UTP20: variants seen among roughly 807,000 people sequenced by gnomAD.
UTP20 encodes UTP20 small subunit processome component, also known as small subunit processome component 20 homolog.
UTP20 carries 164 observed loss-of-function variants against 329.5 expected under a neutral mutation model. That is an observed-to-expected ratio of 0.50 (90% CI 0.44 to 0.57). UTP20 has a LOEUF of 0.57. Among genes scored for constraint, UTP20 ranks in the 20% least tolerant of loss-of-function variants. The probability of loss-of-function intolerance (pLI) is 0.00; values close to 1 mark genes in which losing one functional copy is unlikely to be tolerated. For missense variants in UTP20, 3,055 were observed against 3,284.2 expected (o/e 0.93, Z 1.71); for synonymous variants, 1,151 against 1,159.3 (o/e 0.99, Z 0.14).
chr12:101,356,982 T>C lies in UTP20; in HGVS notation c.5591T>C (p.Ile1864Thr), dbSNP rs757105753. ...LKNRAQEIRDIARSTLAKIIE... is the reference protein window; with the variant it reads ...LKNRAQEIRDTARSTLAKIIE... ...AACAGAGCCCAAGAAATCAGAGACA[T>C]TGCACGCAGCACTCTTGCGAAAATA... Residue 1864 changes from isoleucine (I) to threonine (T), a missense_variant, in exon 43 of 62, where the codon ATT becomes ACT. Around this residue, in one of 3 missense-constraint regions of UTP20, gnomAD observed 2,445 missense variants for 2,575.5 expected, o/e 0.95. Transcript: ENST00000261637. 1 of 1,614,110 alleles carries C rather than the reference T, an allele frequency of 6.2e-7. No homozygotes were observed. The highest frequency in any genetic ancestry group is 1.1e-5 in the South Asian group (1 of 91,050).
Position 101,295,628 on chromosome 12 carries a change from A to G in UTP20, c.1400A>G (p.Tyr467Cys), listed in dbSNP as rs751036728. The G allele has an allele frequency of 5.0e-6, 8 of 1,610,214 alleles. No individual in the cohort carries two copies. The highest frequency in any genetic ancestry group is 6.8e-6 in the Non-Finnish European group (8 of 1,177,412). The change falls in exon 12 of 62, where the codon TAC becomes TGC. Residue 467 changes from tyrosine to cysteine, a missense_variant. This residue lies in a region of UTP20 where 2,445 missense variants were observed against 2,575.5 expected (regional missense o/e 0.95). Transcript: ENST00000261637. ...PTAGSMAIEK[Y>C]PLVFSPQMVG... Reference sequence around the variant, plus strand: ...GCTGGCTCGATGGCAATTGAAAAGTACCCTCTGGTTTTCTCACCGCAGATG... The same window carrying G: ...GCTGGCTCGATGGCAATTGAAAAGTGCCCTCTGGTTTTCTCACCGCAGATG...
At chr12:101,344,166 C>A (rs1869243975) in intron 35 of UTP20, among the ~76,000 whole-genome samples, 1 of 152,168 alleles carries the variant, frequency 6.6e-6, no homozygotes. Context: ...TTCTAAGTCG[C>A]TGCCTGGCTG....
chr12:101,336,458 A>G (rs1191724292), intron 29 of UTP20, among the ~76,000 whole-genome samples: 1 of 152,220 alleles, frequency 6.6e-6, no homozygotes, highest in African/African-American at 2.4e-5. Context: ...CTTATTAATT[A>G]GGGTGAACAT....
intron 51 of UTP20, among the ~76,000 whole-genome samples, chr12:101,371,605 C>T (rs1446074497): frequency 2.1e-5 from 3 of 145,940 alleles, no homozygotes; most frequent in Non-Finnish European, 4.5e-5. Flanking sequence ...GCGATCTCGG[C>T]TCACTGCCAC....
intron 19 of UTP20, among the ~76,000 whole-genome samples, chr12:101,310,643 T>C (rs982993010): frequency 8.6e-5 from 13 of 150,834 alleles, no homozygotes; most frequent in African/African-American, 3.2e-4. Context: ...CAGACATTTG[T>C]CTTCAGATAA....
intron 2 of UTP20, among the ~76,000 whole-genome samples, chr12:101,284,163 C>T (rs1208098321): frequency 6.6e-6 from 1 of 151,968 alleles, no homozygotes; most frequent in East Asian, 1.9e-4. Flanking sequence ...TTGTGTGATG[C>T]TGAGGTTTGG....
At chr12:101,316,154 G>A (rs1299061500) in intron 21 of UTP20, among the ~76,000 whole-genome samples, 1 of 152,024 alleles carries the variant, frequency 6.6e-6, no homozygotes, top group African/African-American at 2.4e-5. Context: ...AATTAATTTG[G>A]TATTAGAACT....
At chr12:101,280,441 C>A in intron 1 of UTP20, 114 bp downstream of exon 1, 1 of 1,316,974 alleles carries the variant, frequency 7.6e-7, no homozygotes, top group Non-Finnish European at 1.1e-6. Context: ...TGTCACTTTC[C>A]TGGAGGCTCC....
rs1869593369 is a variant in UTP20, at chr12:101,353,116, T to G, written c.5094T>G (p.Ile1698Met). ...CTCTTGAAGAACAAATGGGAAAAATTGAGAATGAAGAAAGTAAGTTTCTTA... is the reference window on the plus strand; with the variant it reads ...CTCTTGAAGAACAAATGGGAAAAATGGAGAATGAAGAAAGTAAGTTTCTTA... Reference protein sequence around the residue: ...HKTLEEQMGKIENEENAIEAI... With the variant: ...HKTLEEQMGKMENEENAIEAI... Residue 1698 changes from isoleucine to methionine, a missense_variant, in exon 40 of 62, where the codon ATT (isoleucine) becomes ATG (methionine). By Grantham distance (10) the Ile-to-Met change is conservative (BLOSUM62 1). Around this residue, in one of 3 missense-constraint regions of UTP20, gnomAD observed 2,445 missense variants for 2,575.5 expected, o/e 0.95. Coordinates refer to ENST00000261637, the MANE Select transcript of UTP20 (RefSeq NM_014503.3). 6.3e-7 allele frequency: 1 copy of G among 1,596,688 alleles called. No individual in the cohort carries two copies. The highest frequency in any genetic ancestry group is 8.6e-7 in the Non-Finnish European group (1 of 1,168,022).
chr12:101,383,718 A>T, intron 60 of UTP20, 49 bp downstream of exon 60: 1 of 1,424,712 alleles, frequency 7.0e-7, no homozygotes, highest in South Asian at 1.8e-5. Context: ...GAGGATTTCT[A>T]ACTTCTCTCC....
intron 56 of UTP20, among the ~76,000 whole-genome samples, chr12:101,376,358 A>G (rs1249255787): frequency 6.6e-6 from 1 of 152,198 alleles, no homozygotes; most frequent in African/African-American, 2.4e-5. Flanking sequence ...ACAATAGAGA[A>G]ACATTCTGAG....
chr12:101,280,632 T>G (rs2137223640), intron 1 of UTP20, among the ~76,000 whole-genome samples: 1 of 152,338 alleles, frequency 6.6e-6, no homozygotes, highest in Middle Eastern at 3.4e-3. Flanking sequence ...TCTTTTATCT[T>G]TAAAGACCGA....
At chr12:101,306,201 G>T in intron 16 of UTP20, 136 bp downstream of exon 16, 4 of 1,163,832 alleles carry the variant, frequency 3.4e-6, no homozygotes, top group Non-Finnish European at 4.7e-6. Flanking sequence ...ATTCTTAAAT[G>T]TTGGCCTGCA....
intron 17 of UTP20, among the ~76,000 whole-genome samples, chr12:101,306,991 G>A (rs918524761): frequency 1.3e-5 from 2 of 151,914 alleles, no homozygotes; most frequent in Non-Finnish European, 1.5e-5. Flanking sequence ...GGCTAACATG[G>A]TGAAACTCCG....
At chr12:101,308,136 A>T in intron 17 of UTP20, 49 bp from the exon 18 acceptor site, 1 of 1,434,262 alleles carries the variant, frequency 7.0e-7, no homozygotes, top group Non-Finnish European at 9.2e-7. Flanking sequence ...TCTTTTTGGA[A>T]AATCAAAATA....
chr12:101,353,000 A>C, intron 39 of UTP20, 47 bp from the exon 40 acceptor site: 2 of 1,180,190 alleles, frequency 1.7e-6, no homozygotes, highest in Non-Finnish European at 1.2e-6. Flanking sequence ...TAATCCAGTG[A>C]TATTAATAAT....
intron 44 of UTP20, 24 bp from the exon 45 acceptor site, chr12:101,363,552 C>T: frequency 6.2e-7 from 1 of 1,603,062 alleles, no homozygotes; most frequent in African/African-American, 1.3e-5. Context: ...CATATAATTG[C>T]CATTTGTCCT....
chr12:101,311,854 G>T, intron 20 of UTP20, 56 bp downstream of exon 20: 1 of 1,573,990 alleles, frequency 6.4e-7, no homozygotes, highest in Non-Finnish European at 8.6e-7. Flanking sequence ...TAACTGTTTT[G>T]TTTTTATTGC....
chr12:101,376,640 C>CT (rs950620805), intron 56 of UTP20, among the ~76,000 whole-genome samples: 62 of 151,038 alleles, frequency 4.1e-4, no homozygotes, highest in Middle Eastern at 3.4e-3. Flanking sequence ...TATGGAACCA[C>CT]TTTTTTTTTG....
Sources: gnomAD v4.1 joint callset for allele counts (sites outside exome capture counted in the v4.1 genomes callset) on GRCh38, gnomAD v4.1.1 for gene constraint, gnomAD v4.1.1 regional missense constraint, MANE v1.5 for transcripts, NCBI Gene and HGNC (gene_info 2026-07-23, HGNC 2026-07-21) for gene names.